PTK2: variants seen among roughly 807,000 people sequenced by gnomAD.
PTK2 encodes the protein protein tyrosine kinase 2, also known as focal adhesion kinase 1.
In PTK2, 45 loss-of-function variants were observed where a neutral mutation model predicts 150.1. The ratio of observed to expected loss-of-function variants is 0.30; its 90% CI spans 0.24 to 0.38. PTK2 has a LOEUF of 0.38. PTK2 is among the 10% of genes least tolerant of loss of function. The pLI is 1.00. For missense variants in PTK2, 919 were observed against 1,307.3 expected, an observed-to-expected ratio of 0.70 and a Z score of 4.58; for synonymous variants, 432 against 449.2, an observed-to-expected ratio of 0.96 and a Z score of 0.48.
chr8:140,812,955 A>G (rs2100102475), intron 10 of PTK2, among the ~76,000 whole-genome samples: 3 of 152,210 alleles, frequency 2.0e-5, no homozygotes, highest in Non-Finnish European at 4.4e-5. Flanking sequence ...CACCCCACTG[A>G]CAATATTACG....
chr8:140,746,766 A>C (rs2100059024), exon 18 of PTK2: 2 of 1,607,686 alleles, frequency 1.2e-6, no homozygotes, highest in African/African-American at 2.7e-5. Context: ...GTACCTCTCC[A>C]AGTGTGCACA....
intron 28 of PTK2, among the ~76,000 whole-genome samples, chr8:140,674,855 T>C (rs1278291832): frequency 1.3e-5 from 2 of 149,290 alleles, no homozygotes; most frequent in African/African-American, 4.9e-5. Context: ...AAGACCAGCC[T>C]GGGCAACACG....
chr8:140,726,321 G>A (rs538482372), intron 22 of PTK2, among the ~76,000 whole-genome samples: 2 of 152,054 alleles, frequency 1.3e-5, no homozygotes, highest in African/African-American at 4.8e-5. Context: ...CAGAAGAGAG[G>A]GAAAATAGAA....
chr8:140,865,054 C>A (rs2100138482), intron 4 of PTK2, among the ~76,000 whole-genome samples: 1 of 152,198 alleles, frequency 6.6e-6, no homozygotes, highest in South Asian at 2.1e-4. Flanking sequence ...TCCAGTTCCT[C>A]TATATCTTTG....
chr8:140,880,564 A>T (rs978434751), intron 3 of PTK2, among the ~76,000 whole-genome samples: 1 of 152,158 alleles, frequency 6.6e-6, no homozygotes, highest in African/African-American at 2.4e-5. Flanking sequence ...GTTTTTTTTT[A>T]AATGATGCTG....
intron 22 of PTK2, among the ~76,000 whole-genome samples, chr8:140,721,216 G>A (rs1018773018): frequency 1.3e-5 from 2 of 152,126 alleles, no homozygotes; most frequent in African/African-American, 4.8e-5. Context: ...TCCAAGTAGA[G>A]CTTGAGATAC....
At chr8:140,901,578 G>A (rs1158475107) in intron 2 of PTK2, among the ~76,000 whole-genome samples, 3 of 151,344 alleles carry the variant, frequency 2.0e-5, no homozygotes, top group Non-Finnish European at 4.4e-5. Flanking sequence ...CTCAATAGAA[G>A]GAGTTGGAGG....
intron 22 of PTK2, among the ~76,000 whole-genome samples, chr8:140,720,297 C>T (rs2100042176): frequency 6.6e-6 from 1 of 152,190 alleles, no homozygotes; most frequent in East Asian, 1.9e-4. Flanking sequence ...GTGCCTGGCA[C>T]ATAGCTGACA....
chr8:140,730,963 C>CA (rs993913615), intron 22 of PTK2, among the ~76,000 whole-genome samples: 3 of 142,324 alleles, frequency 2.1e-5, no homozygotes, highest in South Asian at 5.1e-4. Flanking sequence ...ACCCCCCCCC[C>CA]CCTTTTTTTT....
exon 14 of PTK2, chr8:140,789,501 T>C (rs140961245): frequency 3.7e-6 from 6 of 1,613,450 alleles, no homozygotes; most frequent in Admixed American, 1.7e-5. Context: ...TGTGTCCGCA[T>C]GCCTTGCTTT....
chr8:140,721,614 T>C (rs1191462124), intron 22 of PTK2: 1 of 152,160 alleles, frequency 6.6e-6, no homozygotes, highest in Non-Finnish European at 1.5e-5. Flanking sequence ...CCATTGCTTT[T>C]AAAAGTGAAG....
intron 26 of PTK2, 38 bp downstream of exon 29, chr8:140,700,853 C>T: frequency 6.2e-7 from 1 of 1,610,014 alleles, no homozygotes; most frequent in African/African-American, 1.3e-5. Context: ...TCTAACAGGG[C>T]TTAAAAAGTC....
chr8:140,975,754 C>T (rs938376298), intron 1 of PTK2, among the ~76,000 whole-genome samples: 5 of 152,174 alleles, frequency 3.3e-5, no homozygotes, highest in Admixed American at 2.6e-4. Flanking sequence ...AAGGGACTTG[C>T]CCTCCAGATT....
At chr8:140,856,996 T>C (rs1482436760) in intron 5 of PTK2, among the ~76,000 whole-genome samples, 2 of 152,214 alleles carry the variant, frequency 1.3e-5, no homozygotes, top group Non-Finnish European at 2.9e-5. Flanking sequence ...ATTATAAAAT[T>C]CTTTCAACAC....
chr8:140,773,929 A>G (rs1209371102), intron 14 of PTK2, among the ~76,000 whole-genome samples: 1 of 152,084 alleles, frequency 6.6e-6, no homozygotes, highest in Non-Finnish European at 1.5e-5. Flanking sequence ...CTGAAGCCCC[A>G]TACTCCTGCC....
intron 8 of PTK2, among the ~76,000 whole-genome samples, chr8:140,826,400 T>C (rs551448190): frequency 2.6e-4 from 39 of 152,310 alleles, no homozygotes; most frequent in African/African-American, 9.4e-4. Context: ...TGAAAAAACC[T>C]TGGGCTAAGG....
intron 1 of PTK2, among the ~76,000 whole-genome samples, chr8:140,996,447 T>C (rs1200239633): frequency 6.6e-6 from 1 of 152,206 alleles, no homozygotes; most frequent in Non-Finnish European, 1.5e-5. Context: ...GAAACCACCT[T>C]CTATTGGAAG....
At chr8:140,669,483 G>A (rs2094459965) in intron 29 of PTK2, 1 of 489,760 alleles carries the variant, frequency 2.0e-6, no homozygotes, top group Non-Finnish European at 3.6e-6. Context: ...ATTCTTGGTT[G>A]TTCCAAAAGT....
chr8:140,837,398 T>C (rs148415438), intron 7 of PTK2, among the ~76,000 whole-genome samples: 198 of 152,334 alleles, frequency 1.3e-3, no homozygotes, highest in Non-Finnish European at 2.4e-3. Flanking sequence ...TCAGAAACTA[T>C]GCCTTAGTGG....
Sources: allele counts gnomAD v4.1 joint callset (sites outside exome capture counted in the v4.1 genomes callset), GRCh38; gene constraint gnomAD v4.1.1; transcripts MANE v1.5; gene names NCBI Gene and HGNC (gene_info 2026-07-23, HGNC 2026-07-21).